The following TCF12 variants were observed in gnomAD, a reference collection of about 807,000 sequenced individuals.
TCF12 encodes transcription factor 12, also known as DNA-binding protein HTF4.
TCF12 carries 45 observed loss-of-function variants against 86.0 expected under a neutral mutation model. That is an observed-to-expected ratio of 0.52 (90% CI 0.41 to 0.67). The LOEUF (loss-of-function observed/expected upper bound fraction) is 0.67. Ranked by LOEUF, TCF12 falls within the 30% of genes least tolerant of loss-of-function variation. TCF12 has a pLI of 0.00. For synonymous variants in TCF12, 330 were observed against 299.6 expected, an observed-to-expected ratio of 1.10 and a Z score of -1.05; for missense variants, 881 against 859.9, an observed-to-expected ratio of 1.02 and a Z score of -0.31.
intron 8 of TCF12, among the ~76,000 whole-genome samples, chr15:57,203,687 A>G (rs191331898): frequency 2.6e-5 from 4 of 152,320 alleles, no homozygotes; most frequent in Admixed American, 2.0e-4. Flanking sequence ...GTATGTATAT[A>G]TTCCCACAAA....
chr15:57,124,947 C>G (rs536752010), intron 5 of TCF12, among the ~76,000 whole-genome samples: 9 of 152,324 alleles, frequency 5.9e-5, no homozygotes, highest in Non-Finnish European at 1.0e-4. Flanking sequence ...GCTGGGATTA[C>G]AGGCATGAGC....
At chr15:57,053,923 G>T (rs1048727571) in intron 3 of TCF12, among the ~76,000 whole-genome samples, 1 of 152,182 alleles carries the variant, frequency 6.6e-6, no homozygotes, top group African/African-American at 2.4e-5. Flanking sequence ...AGCCTGCTGG[G>T]TGTGTGGCAT....
In TCF12 at chr15:57,020,836, G is replaced by A. The variant is rs553921486; in HGVS notation, c.149-42914G>A. Among the ~76,000 whole-genome samples, 5 of 152,206 alleles carry A rather than the reference G, an allele frequency of 3.3e-5. No individual in the cohort carries two copies. The East Asian group carries it at 5.8e-4, about 18-fold the overall frequency. ...AAGACTTCATGGAAGAGCATGAGTA[G>A]GTGTGCATAAGAAACTGAGGGGGTA... On this transcript the variant is annotated intron_variant, in intron 3 of 20. Coordinates refer to ENST00000333725, the MANE Select transcript of TCF12 (RefSeq NM_207037.2).
chr15:57,192,070 G>A, intron 6 of TCF12, 88 bp from the exon 7 acceptor site: 1 of 1,478,048 alleles, frequency 6.8e-7, no homozygotes. Context: ...CATTGCTGAA[G>A]TTGTAAATAA....
intron 15 of TCF12, 46 bp from the exon 16 acceptor site, chr15:57,253,216 A>G: frequency 6.2e-7 from 1 of 1,604,298 alleles, no homozygotes. Context: ...AATGAATCTA[A>G]CAGATGCCAG....
At chr15:57,188,383 G>T (rs1226636129) in intron 6 of TCF12, among the ~76,000 whole-genome samples, 1 of 152,096 alleles carries the variant, frequency 6.6e-6, no homozygotes, top group Non-Finnish European at 1.5e-5. Context: ...TTAATATTAA[G>T]ATGTCAGTAT....
At chr15:57,252,109 C>G (rs561528032) in intron 14 of TCF12, 43 of 261,230 alleles carry the variant, frequency 1.6e-4, no homozygotes, top group African/African-American at 9.3e-4. Context: ...AAGTCATGCT[C>G]TTATTCGTAA....
At chr15:57,141,727 A>G (rs1311984227) in intron 5 of TCF12, among the ~76,000 whole-genome samples, 2 of 152,210 alleles carry the variant, frequency 1.3e-5, no homozygotes, top group Non-Finnish European at 2.9e-5. Flanking sequence ...GAGAAGAACT[A>G]TCTTTTCCTT....
intron 5 of TCF12, among the ~76,000 whole-genome samples, chr15:57,098,997 A>G (rs569857204): frequency 6.6e-6 from 1 of 151,858 alleles, no homozygotes; most frequent in Non-Finnish European, 1.5e-5. Flanking sequence ...TAGCTCCCTC[A>G]CTCCAGTATT....
chr15:56,988,974 T>C (rs2063320469), intron 3 of TCF12, among the ~76,000 whole-genome samples: 1 of 152,186 alleles, frequency 6.6e-6, no homozygotes, highest in Non-Finnish European at 1.5e-5. Context: ...TATACTATAA[T>C]CGTGTTTAAA....
At chr15:57,259,467 A>G (rs182302278) in intron 16 of TCF12, among the ~76,000 whole-genome samples, 94 of 152,366 alleles carry the variant, frequency 6.2e-4, no homozygotes, top group South Asian at 2.1e-3. Context: ...TTATTCATCA[A>G]CTAATTAGAT....
chr15:57,117,674 A>G (rs976726756), intron 5 of TCF12, among the ~76,000 whole-genome samples: 8 of 152,226 alleles, frequency 5.3e-5, no homozygotes, highest in Non-Finnish European at 4.4e-5. Flanking sequence ...TACCTGGCAC[A>G]TTGATAGTAC....
chr15:57,052,114 CA>C (rs2067671802), intron 3 of TCF12, among the ~76,000 whole-genome samples: 1 of 152,170 alleles, frequency 6.6e-6, no homozygotes, highest in Non-Finnish European at 1.5e-5. Context: ...TAGAAATCTA[CA>C]TGACATTAAT....
chr15:57,209,844 C>G (rs1244526607), intron 8 of TCF12, among the ~76,000 whole-genome samples: 3 of 152,156 alleles, frequency 2.0e-5, no homozygotes, highest in African/African-American at 7.2e-5. Context: ...TTACTTCACT[C>G]TAGCCATACT....
At chr15:57,073,268 G>A (rs999301453) in intron 4 of TCF12, among the ~76,000 whole-genome samples, 5 of 152,086 alleles carry the variant, frequency 3.3e-5, no homozygotes, top group Non-Finnish European at 5.9e-5. Flanking sequence ...AAGTTAACAA[G>A]TAAAAATCAA....
chr15:57,186,884 C>T (rs1485026188), intron 6 of TCF12, among the ~76,000 whole-genome samples: 1 of 151,976 alleles, frequency 6.6e-6, no homozygotes. Context: ...TCAATTGATG[C>T]CAAAAAAGAA....
chr15:57,134,770 C>G (rs1174185699), intron 5 of TCF12, among the ~76,000 whole-genome samples: 23 of 151,758 alleles, frequency 1.5e-4, no homozygotes, highest in Non-Finnish European at 4.4e-5. Context: ...TTTTTTTCCT[C>G]TCTCTTAAAT....
chr15:57,075,575 G>A (rs773759553), intron 4 of TCF12, among the ~76,000 whole-genome samples: 2 of 152,062 alleles, frequency 1.3e-5, no homozygotes, highest in Non-Finnish European at 2.9e-5. Flanking sequence ...GCCTAGGGGA[G>A]AGTAAAAGTC....
chr15:57,231,951 C>T (rs1378309879), intron 9 of TCF12, among the ~76,000 whole-genome samples: 5 of 152,160 alleles, frequency 3.3e-5, no homozygotes, highest in African/African-American at 1.2e-4. Flanking sequence ...TAATAACTTT[C>T]TGTGTATGTA....
Sources: allele counts gnomAD v4.1 joint callset (sites outside exome capture counted in the v4.1 genomes callset), GRCh38; gene constraint gnomAD v4.1.1; transcripts MANE v1.5; gene names NCBI Gene and HGNC (gene_info 2026-07-23, HGNC 2026-07-21).